CHD6: variants seen among roughly 807,000 people sequenced by gnomAD.
CHD6 encodes ATP-dependent chromatin remodeler CHD6.
CHD6 carries 50 observed loss-of-function variants against 276.9 expected under a neutral mutation model. The observed-to-expected ratio is 0.18, with a 90% CI of 0.14 to 0.23. The LOEUF is 0.23. Ranked by LOEUF, CHD6 falls within the 10% of genes least tolerant of loss-of-function variation. The probability of loss-of-function intolerance (pLI) is 1.00; values close to 1 mark genes in which losing one functional copy is unlikely to be tolerated. For missense variants in CHD6, 2,564 were observed against 3,365.8 expected, an observed-to-expected ratio of 0.76 and a Z score of 5.89; for synonymous variants, 1,173 against 1,229.3, an observed-to-expected ratio of 0.95 and a Z score of 0.96.
rs751266345 is a variant in CHD6, at chr20:41,533,416, G to A, written c.188C>T (p.Thr63Ile). 10 of 1,613,990 alleles carry A rather than the reference G, an allele frequency of 6.2e-6. No homozygotes were observed. The African/African-American group carries it at 1.2e-4, about 19-fold the overall frequency. Residue 63 changes from threonine to isoleucine, a missense_variant, in exon 3 of 37, where the codon ACT (threonine) becomes ATT (isoleucine). By Grantham distance (89) the Thr-to-Ile change is moderately conservative. Coordinates refer to ENST00000373233, the MANE Select transcript of CHD6 (RefSeq NM_032221.5). Reference protein sequence around the residue: ...SHCLPQKDLYTAEEEAATLFP... With the variant: ...SHCLPQKDLYIAEEEAATLFP... Reference sequence around the variant, plus strand: ...AAGGGTAGCAGCTTCCTCTTCAGCAGTATACAGGTCCTTCTGAGGCAGACA... The same window carrying A: ...AAGGGTAGCAGCTTCCTCTTCAGCAATATACAGGTCCTTCTGAGGCAGACA...
chr20:41,409,736 T>C (rs2046787635), intron 36 of CHD6, among the ~76,000 whole-genome samples: 1 of 152,200 alleles, frequency 6.6e-6, no homozygotes, highest in South Asian at 2.1e-4. Flanking sequence ...ACAAGTATTA[T>C]TAATATGCAT....
At chr20:41,515,659 G>A (rs2044231984) in intron 3 of CHD6, among the ~76,000 whole-genome samples, 1 of 152,156 alleles carries the variant, frequency 6.6e-6, no homozygotes, top group Non-Finnish European at 1.5e-5. Context: ...ACCAGAATTA[G>A]TTGTTAACTA....
At position 41,403,109 on chromosome 20, in the gene CHD6, A is replaced by G. The variant is rs977770799; in HGVS notation, c.*1484T>C. On this transcript the variant is annotated 3_prime_UTR_variant, in exon 37 of 37. Transcript: ENST00000373233. ...AAAAAGCATCATAAATAAATAATGC[A>G]AAATGAAATAGTTATGTCAGACTTT... is the stretch of plus-strand genomic sequence containing the variant. The G allele has an allele frequency of 1.6e-5, 4 of 248,094 alleles. No homozygotes were observed. Among genetic ancestry groups the G allele is most frequent in the African/African-American group, 2.2e-5 (1 of 45,058 alleles). The allele number at this position is 248,094 out of a possible 1,614,324, so 15.4% of individuals were successfully genotyped here. A position where few individuals can be genotyped will look rare whatever the true frequency, so the allele number is the denominator to read the frequency against.
chr20:41,443,152 G>C (rs1569083007), intron 25 of CHD6, among the ~76,000 whole-genome samples: 2 of 152,330 alleles, frequency 1.3e-5, no homozygotes, highest in African/African-American at 4.8e-5. Flanking sequence ...GTGATGAAGT[G>C]TCATCTTAAC....
chr20:41,504,140 T>C (rs1242289461), intron 5 of CHD6, among the ~76,000 whole-genome samples: 4 of 146,486 alleles, frequency 2.7e-5, no homozygotes, highest in Non-Finnish European at 6.0e-5. Context: ...ATCGCACTTG[T>C]CTCTCTTTCT....
intron 1 of CHD6, among the ~76,000 whole-genome samples, chr20:41,576,186 T>G (rs1301393346): frequency 6.6e-6 from 1 of 152,232 alleles, no homozygotes; most frequent in Non-Finnish European, 1.5e-5. Flanking sequence ...TGTTAGGTAC[T>G]TGAAGAAATT....
intron 17 of CHD6, among the ~76,000 whole-genome samples, chr20:41,460,582 A>G (rs546070512): frequency 1.3e-5 from 2 of 152,344 alleles, no homozygotes; most frequent in East Asian, 3.9e-4. Context: ...AGAGGGTGAA[A>G]GCACCAAACC....
At chr20:41,512,735 A>T in intron 5 of CHD6, 111 bp downstream of exon 5, 1 of 1,221,140 alleles carries the variant, frequency 8.2e-7, no homozygotes, top group Non-Finnish European at 1.2e-6. Flanking sequence ...GGCCACAAGC[A>T]GCAGTTAAAA....
chr20:41,592,114 A>AT (rs2045669120), intron 1 of CHD6, among the ~76,000 whole-genome samples: 2 of 152,234 alleles, frequency 1.3e-5, no homozygotes, highest in Non-Finnish European at 2.9e-5. Context: ...AACAAAAAAA[A>AT]AGAATTTCAA....
intron 1 of CHD6, among the ~76,000 whole-genome samples, chr20:41,581,500 C>A (rs1036034291): frequency 2.0e-5 from 3 of 151,996 alleles, no homozygotes; most frequent in Non-Finnish European, 4.4e-5. Flanking sequence ...CATGGTGAAA[C>A]CCTGTCTCTA....
At chr20:41,414,914 C>T in intron 34 of CHD6, 2 of 1,303,768 alleles carry the variant, frequency 1.5e-6, no homozygotes, top group South Asian at 3.8e-5. Flanking sequence ...AGTGGCTCTT[C>T]TGAAACCCTG....
chr20:41,509,600 G>C (rs1601041350), intron 5 of CHD6, among the ~76,000 whole-genome samples: 2 of 152,262 alleles, frequency 1.3e-5, no homozygotes, highest in South Asian at 4.2e-4. Flanking sequence ...CACAGCACAG[G>C]AGAGCACCAC....
At chr20:41,498,067 G>C (rs1298476829) in intron 7 of CHD6, 101 bp downstream of exon 7, 22 of 825,842 alleles carry the variant, frequency 2.7e-5, no homozygotes, top group Non-Finnish European at 3.6e-5. Context: ...TCATGCCTTA[G>C]AGGCAAGACT....
intron 4 of CHD6, among the ~76,000 whole-genome samples, chr20:41,514,250 C>G (rs1461030595): frequency 6.6e-6 from 1 of 152,158 alleles, no homozygotes; most frequent in Admixed American, 6.5e-5. Context: ...AAAGCACTTT[C>G]AAATATTAGA....
At chr20:41,577,690 T>C (rs1339857879) in intron 1 of CHD6, among the ~76,000 whole-genome samples, 1 of 152,250 alleles carries the variant, frequency 6.6e-6, no homozygotes, top group Non-Finnish European at 1.5e-5. Context: ...TAGATTATTG[T>C]ATGTTGAATA....
At chr20:41,617,824 A>C (rs2045948530) in intron 1 of CHD6, among the ~76,000 whole-genome samples, 1 of 140,462 alleles carries the variant, frequency 7.1e-6, no homozygotes, top group African/African-American at 2.7e-5. Flanking sequence ...ACCCTCCTCC[A>C]CCCCTGCAAA....
intron 16 of CHD6, among the ~76,000 whole-genome samples, chr20:41,481,950 T>C (rs1034135655): frequency 2.8e-4 from 42 of 152,050 alleles, no homozygotes; most frequent in African/African-American, 9.9e-4. Context: ...ACTGAGAAGA[T>C]AACCCCCAAG....
rs1488190472 is a variant in CHD6, at chr20:41,569,956, T to C, written c.-23-18596A>G. ...ACACTGAGGGACTACTGTATTTATG[T>C]TACCTGTTCCAATGTTCCCTTCCAT... On this transcript the variant is annotated intron_variant, in intron 1 of 36. Transcript: ENST00000373233. Among the ~76,000 whole-genome samples, 3 of 152,154 alleles carry C rather than the reference T, an allele frequency of 2.0e-5. No homozygotes were observed. The East Asian group carries it at 5.8e-4, about 29-fold the overall frequency.
intron 24 of CHD6, among the ~76,000 whole-genome samples, chr20:41,446,942 T>A (rs895141296): frequency 1.3e-5 from 2 of 152,216 alleles, no homozygotes; most frequent in East Asian, 3.9e-4. Context: ...TAACACTTGA[T>A]GGATATTATC....
Sources: allele counts gnomAD v4.1 joint callset (sites outside exome capture counted in the v4.1 genomes callset), GRCh38; gene constraint gnomAD v4.1.1; transcripts MANE v1.5; gene names NCBI Gene and HGNC (gene_info 2026-07-23, HGNC 2026-07-21).